QRICH1: variants seen among roughly 807,000 people sequenced by gnomAD.
QRICH1 encodes glutamine rich 1.
QRICH1 carries 16 observed loss-of-function variants against 87.1 expected under a neutral mutation model. The observed-to-expected ratio is 0.18, with a 90% CI of 0.12 to 0.28. QRICH1 has a LOEUF of 0.28. QRICH1 is among the 10% of genes least tolerant of loss of function. QRICH1 has a pLI of 1.00. For missense variants in QRICH1, 647 were observed against 951.7 expected (o/e 0.68, Z 4.21); for synonymous variants, 367 against 368.4 (o/e 1.00, Z 0.05).
rs143131975 is a variant in QRICH1 at position 49,074,745 on chromosome 3, G to A, written c.309+1964C>T. On this transcript the variant is annotated intron_variant, in intron 2 of 9. Transcript: ENST00000395443. ...TGTAATCCCAGCACTTTGGGAGGCC[G>A]AGGCAGGTGGATCACGAGGTCAGGA... Among the ~76,000 whole-genome samples the A allele has an allele frequency of 7.6e-3, 1,147 of 151,572 alleles. 10 individuals are homozygous for A. The highest frequency in any genetic ancestry group is 0.026 in the African/African-American group (1,093 of 41,316).
In QRICH1 at chr3:49,040,380, G is replaced by A. The variant is rs536440435; in HGVS notation, c.1786+4010C>T. Among the ~76,000 whole-genome samples, 19 of 152,338 alleles carry A rather than the reference G, an allele frequency of 1.2e-4. 1 individual carries two copies. The South Asian group carries it at 3.9e-3, about 32-fold the overall frequency. On this transcript the variant is annotated intron_variant, in intron 6 of 9. Transcript: ENST00000395443. Reference sequence around the variant, plus strand: ...CCCAGCTCTTAGGGAGGCAGAGGTGGGAGGATAGCTGGAGCCCAGGAGTTG... The same window carrying A: ...CCCAGCTCTTAGGGAGGCAGAGGTGAGAGGATAGCTGGAGCCCAGGAGTTG...
chr3:49,065,538 TCA>T lies in QRICH1; in HGVS notation c.310-7650_310-7649del, dbSNP rs368790563. ...ACTCAATCTGTTGTGCTATTATACATCACACATGGCCTCTGCAAAACTCCAGT... is the reference window on the plus strand; with the variant it reads ...ACTCAATCTGTTGTGCTATTATACATCACATGGCCTCTGCAAAACTCCAGT... On this transcript the variant is annotated intron_variant, in intron 2 of 9. Coordinates refer to ENST00000395443, the MANE Select transcript of QRICH1 (RefSeq NM_198880.3). 6.2e-4 allele frequency among the ~76,000 whole-genome samples: 94 copies of T among 152,298 alleles called. No individual in the cohort carries two copies. In the East Asian group the frequency reaches 0.018, roughly 29 times the overall value.
intron 6 of QRICH1, among the ~76,000 whole-genome samples, chr3:49,035,847 G>C (rs1360978102): frequency 5.9e-5 from 9 of 151,640 alleles, no homozygotes; most frequent in African/African-American, 2.2e-4. Context: ...GGCCAAGGCA[G>C]GTGGATCACT....
At chr3:49,034,789 C>T (rs2093264654) in intron 6 of QRICH1, among the ~76,000 whole-genome samples, 1 of 152,132 alleles carries the variant, frequency 6.6e-6, no homozygotes, top group Admixed American at 6.5e-5. Flanking sequence ...CTACCAAGCC[C>T]CTTCATGTGC....
chr3:49,035,647 T>A, intron 6 of QRICH1, among the ~76,000 whole-genome samples: 1 of 149,446 alleles, frequency 6.7e-6, no homozygotes, highest in Non-Finnish European at 1.5e-5. Context: ...TACAAAAACC[T>A]TAAAAAAAAA....
In QRICH1 at chr3:49,057,605, G is replaced by A. The variant is rs749447647; in HGVS notation, c.595C>T (p.Leu199=). Residue 199 remains leucine, a synonymous_variant, in exon 3 of 10, where the codon CTG becomes TTG. Coordinates refer to ENST00000395443, the MANE Select transcript of QRICH1 (RefSeq NM_198880.3). This position sits in a 1 kb window ranked among gnomAD's most constrained non-coding sequence, Gnocchi z 5.4. ...CCAGCAAGAGACTGGCCAGCCACCA[G>A]CTGAGCCTGGATTTGCTGATGTGGG... ...HIPHQQIQAQ[L]VAGQSLAGGQ... is the part of the protein sequence containing the mutation. 1 of 1,614,126 alleles carries A rather than the reference G, an allele frequency of 6.2e-7. No homozygotes were observed. Among genetic ancestry groups the A allele is most frequent in the Non-Finnish European group, 8.5e-7 (1 of 1,179,980 alleles).
At chr3:49,091,640 C>T (rs1230462567) in intron 1 of QRICH1, among the ~76,000 whole-genome samples, 1 of 151,964 alleles carries the variant, frequency 6.6e-6, no homozygotes, top group Admixed American at 6.6e-5. Context: ...CAGAGAGGAC[C>T]CGAAGGAAGA....
intron 1 of QRICH1, among the ~76,000 whole-genome samples, chr3:49,091,735 A>T (rs930204907): frequency 1.3e-5 from 2 of 152,258 alleles, no homozygotes; most frequent in African/African-American, 2.4e-5. Context: ...CAAGCTTAAT[A>T]GTTAAAAATA....
intron 2 of QRICH1, among the ~76,000 whole-genome samples, chr3:49,070,912 T>C (rs2093496759): frequency 6.6e-6 from 1 of 152,118 alleles, no homozygotes; most frequent in African/African-American, 2.4e-5. Flanking sequence ...GTCAGTGGCT[T>C]TTCTTTCTTC....
At chr3:49,058,117 C>T (rs1288781916) in intron 2 of QRICH1, 1 of 686,204 alleles carries the variant, frequency 1.5e-6, no homozygotes, top group Admixed American at 3.4e-5. Flanking sequence ...GCAAGCAAGA[C>T]AATTAACTGG....
chr3:49,078,209 C>A (rs990924561), intron 1 of QRICH1, among the ~76,000 whole-genome samples: 1 of 152,066 alleles, frequency 6.6e-6, no homozygotes. Flanking sequence ...AGATGCTCTA[C>A]CTTATGTTAC....
chr3:49,089,887 CAG>C (rs2042241152), intron 1 of QRICH1, among the ~76,000 whole-genome samples: 1 of 152,218 alleles, frequency 6.6e-6, no homozygotes, highest in African/African-American at 2.4e-5. Context: ...ACGAAGGGTT[CAG>C]AGATACTGGC....
intron 2 of QRICH1, among the ~76,000 whole-genome samples, chr3:49,061,121 T>TGA (rs1376428185): frequency 9.3e-6 from 1 of 107,388 alleles, no homozygotes; most frequent in African/African-American, 3.8e-5. Flanking sequence ...GGTGACAGAG[T>TGA]GAGCCTCCAT....
intron 6 of QRICH1, among the ~76,000 whole-genome samples, chr3:49,042,682 C>G (rs991094445): frequency 2.0e-5 from 3 of 151,992 alleles, no homozygotes; most frequent in Non-Finnish European, 2.9e-5. Flanking sequence ...AAGCGATTCT[C>G]CTACCTCAGC....
intron 6 of QRICH1, among the ~76,000 whole-genome samples, chr3:49,037,012 A>C (rs1390027983): frequency 6.7e-6 from 1 of 148,760 alleles, no homozygotes. Flanking sequence ...TACAGGCTAC[A>C]GTGAGCCGTG....
chr3:49,030,405 G>T lies in QRICH1; in HGVS notation c.*47C>A. Reference sequence around the variant, plus strand: ...GGCCTCTTCTTTAGTGTGAAAGTCTGTCTGGTTTTTCCTGGCTGGTTTCTC... The same window carrying T: ...GGCCTCTTCTTTAGTGTGAAAGTCTTTCTGGTTTTTCCTGGCTGGTTTCTC... On this transcript the variant is annotated 3_prime_UTR_variant, in exon 10 of 10. Transcript: ENST00000395443. 1 of 1,570,342 alleles carries T rather than the reference G, an allele frequency of 6.4e-7. No homozygotes were observed. The highest frequency in any genetic ancestry group is 8.7e-7 in the Non-Finnish European group (1 of 1,149,082).
Position 49,030,608 on chromosome 3 carries a change from G to A in QRICH1, c.2175C>T (p.Tyr725=), listed in dbSNP as rs762526074. The A allele has an allele frequency of 6.2e-7, 1 of 1,602,632 alleles. No homozygotes were observed. Among genetic ancestry groups the A allele is most frequent in the Non-Finnish European group, 8.5e-7 (1 of 1,173,834 alleles). ...QSVKGRNDTF[Y]LTPEPVVAPN... ...GGGCCACCACTGGCTCAGGTGTCAGGTAAAAGGTGTCATTCCGGCCTTTCA... is the reference window on the plus strand; with the variant it reads ...GGGCCACCACTGGCTCAGGTGTCAGATAAAAGGTGTCATTCCGGCCTTTCA... The change falls in exon 10 of 10, where the codon TAC becomes TAT. Residue 725 remains tyrosine (Y), a synonymous_variant. Coordinates refer to ENST00000395443, the MANE Select transcript of QRICH1 (RefSeq NM_198880.3).
intron 1 of QRICH1, among the ~76,000 whole-genome samples, chr3:49,084,688 C>T (rs112746001): frequency 0.02 from 2,972 of 150,846 alleles, 89 homozygotes; most frequent in African/African-American, 0.067. Flanking sequence ...TGCTTGAATC[C>T]GGGAGGCGGA....
intron 2 of QRICH1, among the ~76,000 whole-genome samples, chr3:49,059,908 G>A (rs1453567466): frequency 4.3e-4 from 64 of 147,226 alleles, no homozygotes; most frequent in Middle Eastern, 7.2e-3. Context: ...TTTTTGAGAC[G>A]GAGTCTCGCT....
Sources: gnomAD v4.1 joint callset for allele counts (sites outside exome capture counted in the v4.1 genomes callset) on GRCh38, gnomAD v4.1.1 for gene constraint, Gnocchi (gnomAD v3.1) non-coding constraint, MANE v1.5 for transcripts, NCBI Gene and HGNC (gene_info 2026-07-23, HGNC 2026-07-21) for gene names.